AMZ2: variants seen among roughly 807,000 people sequenced by gnomAD.
AMZ2 encodes the protein archaelysin family metallopeptidase 2, also known as archaemetzincin-2.
AMZ2 carries 26 observed loss-of-function variants against 36.7 expected under a neutral mutation model. The ratio of observed to expected loss-of-function variants is 0.71; its 90% CI spans 0.52 to 0.98. The LOEUF is 0.98. AMZ2 is among the 50% of genes least tolerant of loss of function. The pLI, the probability that AMZ2 is intolerant of heterozygous loss-of-function variation, is 0.00. For missense variants in AMZ2, 394 were observed against 430.5 expected, an observed-to-expected ratio of 0.92 and a Z score of 0.75; for synonymous variants, 144 against 149.1, an observed-to-expected ratio of 0.97 and a Z score of 0.25.
At chr17:68,232,055 A>G (rs73349648) in intron 1 of AMZ2, among the ~76,000 whole-genome samples, 8,880 of 150,252 alleles carry the variant, frequency 0.059, 471 homozygotes, top group Admixed American at 0.13. Flanking sequence ...ATGTAAAGAA[A>G]TGTAAGGTTA....
rs782687737 is a variant in AMZ2, at chr17:68,255,733, C to A, written c.784C>A (p.Leu262Met). Residue 262 changes from leucine (L) to methionine (M), a missense_variant, in exon 6 of 7, where the codon CTG (leucine) becomes ATG (methionine). By Grantham distance (15) the Leu-to-Met change is conservative (BLOSUM62 2). Coordinates refer to ENST00000359904, the MANE Select transcript of AMZ2 (RefSeq NM_016627.5). ...CCATGAGATCGGACACATATTTGGA[C>A]TGCGACACTGCCAGTGGCTTGCATG... ...LTHEIGHIFGLRHCQWLACLM... is the reference protein window; with the variant it reads ...LTHEIGHIFGMRHCQWLACLM... The A allele has an allele frequency of 6.2e-7, 1 of 1,614,194 alleles. No homozygotes were observed. The highest frequency in any genetic ancestry group is 1.3e-5 in the African/African-American group (1 of 75,054).
intron 2 of AMZ2, 64 bp downstream of exon 2, chr17:68,250,534 C>A: frequency 6.4e-7 from 1 of 1,564,634 alleles, no homozygotes; most frequent in Non-Finnish European, 8.7e-7. Flanking sequence ...CAGGAATAGT[C>A]CAGGCTATGG....
At position 68,255,701 on chromosome 17, in the gene AMZ2, C is replaced by G; in HGVS notation, c.752C>G (p.Thr251Ser). The G allele has an allele frequency of 6.2e-7, 1 of 1,613,716 alleles. No homozygotes were observed. The highest frequency in any genetic ancestry group is 8.5e-7 in the Non-Finnish European group (1 of 1,179,662). ...TSVLLLRSCK[T>S]LTHEIGHIFG... is the part of the protein sequence containing the mutation. ...AGCCTCAACATGATTGTCTTGCAGA[C>G]TTTAACCCATGAGATCGGACACATA... Residue 251 changes from threonine to serine, a missense_variant and splice_region_variant, in exon 6 of 7, where the codon ACT becomes AGT. Transcript: ENST00000359904.
intron 1 of AMZ2, among the ~76,000 whole-genome samples, chr17:68,219,082 A>C (rs531775652): frequency 3.0e-4 from 46 of 152,132 alleles, no homozygotes; most frequent in Admixed American, 2.0e-3. Context: ...AATTCAAGCA[A>C]TTCTCTTACC....
chr17:68,222,765 C>T (rs6501288), intron 1 of AMZ2, among the ~76,000 whole-genome samples: 19,442 of 152,130 alleles, frequency 0.13, 1,534 homozygotes, highest in East Asian at 0.29. Flanking sequence ...TGACAGGAGG[C>T]GGAGCTCATG....
rs546482485 is a variant in AMZ2 at position 68,211,007 on chromosome 17, A to G, written c.-67+4769A>G. Reference sequence around the variant, plus strand: ...GTAAATTTTATGTTATGCATACTTTACCACAATTTTCAAAAATTATTTGAA... The same window carrying G: ...GTAAATTTTATGTTATGCATACTTTGCCACAATTTTCAAAAATTATTTGAA... On this transcript the variant is annotated intron_variant, in intron 1 of 7. Transcript: ENST00000674770. 1.1e-3 allele frequency among the ~76,000 whole-genome samples: 161 copies of G among 151,616 alleles called. 1 individual carries two copies. Among genetic ancestry groups the G allele is most frequent in the Non-Finnish European group, 2.1e-3 (141 of 67,948 alleles).
upstream of AMZ2, chr17:68,247,233 G>A (rs1331167764): frequency 6.6e-6 from 1 of 151,452 alleles, no homozygotes; most frequent in African/African-American, 2.4e-5. Flanking sequence ...CTACTGGGGA[G>A]GCTGAGGCGG....
intron 1 of AMZ2, among the ~76,000 whole-genome samples, chr17:68,223,164 T>G (rs2073412936): frequency 6.6e-6 from 1 of 152,118 alleles, no homozygotes; most frequent in Non-Finnish European, 1.5e-5. Context: ...TCTTTCAAAT[T>G]TTGTGTATGT....
intron 1 of AMZ2, 61 bp downstream of exon 1, chr17:68,248,766 C>T: frequency 8.0e-6 from 8 of 996,250 alleles, no homozygotes; most frequent in Non-Finnish European, 9.6e-6. Context: ...AGTCAGATTT[C>T]AGCCCAGTTG....
At chr17:68,246,485 C>T (rs1163127341), upstream of AMZ2, 1 of 152,212 alleles carries the variant, frequency 6.6e-6, no homozygotes, top group African/African-American at 2.4e-5. Context: ...AGACCACCTT[C>T]GCCCCTATGC....
chr17:68,250,014 T>G lies in AMZ2; in HGVS notation c.1-174T>G, dbSNP rs1599408349. On this transcript the variant is annotated intron_variant, in intron 1 of 6. Transcript: ENST00000359904. ...ATTTCATGATTGTCTTTTTAATTTC[T>G]TAGATCTCCAAGAAATTGGACATGA... 1.4e-5 allele frequency: 9 copies of G among 658,092 alleles called. No individual in the cohort carries two copies. The East Asian group carries it at 2.5e-4, about 18-fold the overall frequency. 40.8% of individuals were successfully genotyped at this position (658,092 alleles called of 1,614,324 possible).
At chr17:68,243,912 C>T (rs1244717524), upstream of AMZ2, among the ~76,000 whole-genome samples, 2 of 152,202 alleles carry the variant, frequency 1.3e-5, no homozygotes, top group African/African-American at 2.4e-5. Flanking sequence ...GGGGGAAGAA[C>T]TAACCCAGGT....
chr17:68,214,723 T>C (rs192557141), intron 1 of AMZ2, among the ~76,000 whole-genome samples: 1 of 152,358 alleles, frequency 6.6e-6, no homozygotes, highest in African/African-American at 2.4e-5. Context: ...CTTGTTCATC[T>C]ACTTTCAGAA....
At position 68,256,924 on chromosome 17, in the gene AMZ2, A is replaced by G. The variant is rs190174339; in HGVS notation, c.1038A>G (p.Glu346=). The change falls in exon 7 of 7, where the codon GAA becomes GAG. Residue 346 remains glutamate, a synonymous_variant. Transcript: ENST00000359904. Reference sequence around the variant, plus strand: ...CGAAACCCGTGGAAGCCTTTAAGGAATGGAAAGAGTGGATAATAAAATGCC... The same window carrying G: ...CGAAACCCGTGGAAGCCTTTAAGGAGTGGAAAGAGTGGATAATAAAATGCC... The part of the protein sequence containing the change: ...NLPKPVEAFK[E]WKEWIIKCLA... 2 of 1,614,152 alleles carry G rather than the reference A, an allele frequency of 1.2e-6. No individual in the cohort carries two copies. Among genetic ancestry groups the G allele is most frequent in the African/African-American group, 1.3e-5 (1 of 75,072 alleles).
At chr17:68,251,861 T>C (rs139711495) in intron 4 of AMZ2, among the ~76,000 whole-genome samples, 171 of 152,326 alleles carry the variant, frequency 1.1e-3, no homozygotes, top group African/African-American at 3.8e-3. Context: ...ATAGACTAAG[T>C]GTATGCTTCT....
At chr17:68,254,604 A>C in intron 5 of AMZ2, 37 bp downstream of exon 5, 1 of 1,538,478 alleles carries the variant, frequency 6.5e-7, no homozygotes, top group Non-Finnish European at 8.9e-7. Context: ...ACAGTTCTTT[A>C]AAAGAGATCT....
intron 1 of AMZ2, among the ~76,000 whole-genome samples, chr17:68,236,824 C>T (rs1555732696): frequency 6.6e-6 from 1 of 152,144 alleles, no homozygotes; most frequent in African/African-American, 2.4e-5. Context: ...AAATGATCCA[C>T]CCACCTTGGC....
In AMZ2 at chr17:68,248,078, C is replaced by T. The variant is rs1297508547; in HGVS notation, c.-628C>T. On this transcript the variant is annotated 5_prime_UTR_variant, in exon 1 of 7. Transcript: ENST00000359904. ...GACGCGGTGCGCATGCGCGTGAGGG[C>T]TGCCGCGGGTGGGTGGTATCGAGGC... 3 of 986,094 alleles carry T rather than the reference C, an allele frequency of 3.0e-6. No individual in the cohort carries two copies. Among genetic ancestry groups the T allele is most frequent in the East Asian group, 1.1e-4 (1 of 8,838 alleles). 61.1% of individuals were successfully genotyped at this position (986,094 alleles called of 1,614,324 possible). A position where few individuals can be genotyped will look rare whatever the true frequency, so the allele number is the denominator to read the frequency against.
chr17:68,212,606 A>AT (rs2073096166), intron 1 of AMZ2, among the ~76,000 whole-genome samples: 1 of 151,944 alleles, frequency 6.6e-6, no homozygotes, highest in South Asian at 2.1e-4. Flanking sequence ...TCACCCTGTC[A>AT]TCCAGGTTGG....
Sources: gnomAD v4.1 joint callset for allele counts (sites outside exome capture counted in the v4.1 genomes callset) on GRCh38, gnomAD v4.1.1 for gene constraint, MANE v1.5 for transcripts, NCBI Gene and HGNC (gene_info 2026-07-23, HGNC 2026-07-21) for gene names.